The following ABLIM3 variants were observed in gnomAD, a reference collection of about 807,000 sequenced individuals.
ABLIM3 encodes actin-binding LIM protein 3.
ABLIM3 carries 61 observed loss-of-function variants against 109.5 expected under a neutral mutation model. That is an observed-to-expected ratio of 0.56 (90% CI 0.45 to 0.69). ABLIM3 has a LOEUF of 0.69. Among genes scored for constraint, ABLIM3 ranks in the 30% least tolerant of loss-of-function variants. ABLIM3 has a pLI of 0.00. For synonymous variants in ABLIM3, 300 were observed against 324.8 expected (o/e 0.92, Z 0.82); for missense variants, 796 against 889.5 (o/e 0.89, Z 1.34).
At chr5:149,172,801 A>G (rs1352632810) in intron 2 of ABLIM3, among the ~76,000 whole-genome samples, 1 of 152,220 alleles carries the variant, frequency 6.6e-6, no homozygotes, top group African/African-American at 2.4e-5. Context: ...GCCTCTAAAA[A>G]CATGTCATGT....
intron 3 of ABLIM3, among the ~76,000 whole-genome samples, chr5:149,190,637 G>A (rs116038354): frequency 0.05 from 7,601 of 152,198 alleles, 578 homozygotes; most frequent in African/African-American, 0.17. Context: ...TTGTTATCAC[G>A]CCACTGCACT....
intron 6 of ABLIM3, among the ~76,000 whole-genome samples, chr5:149,210,331 C>A (rs1190976516): frequency 6.6e-6 from 1 of 152,228 alleles, no homozygotes; most frequent in Non-Finnish European, 1.5e-5. Context: ...TAGGTTTTCT[C>A]ACCTACACAA....
chr5:149,186,865 G>T (rs1757011232), intron 3 of ABLIM3, among the ~76,000 whole-genome samples: 2 of 151,622 alleles, frequency 1.3e-5, no homozygotes, highest in Admixed American at 6.6e-5. Context: ...AAACAACAGT[G>T]CATTATAAGC....
chr5:149,193,791 A>G (rs1408856703), intron 3 of ABLIM3, among the ~76,000 whole-genome samples: 1 of 152,204 alleles, frequency 6.6e-6, no homozygotes, highest in Non-Finnish European at 1.5e-5. Context: ...ACCAAACACA[A>G]ACTTTCATAC....
chr5:149,206,639 C>T (rs1021835713), intron 5 of ABLIM3, among the ~76,000 whole-genome samples: 2 of 152,194 alleles, frequency 1.3e-5, no homozygotes, highest in African/African-American at 4.8e-5. Flanking sequence ...GTCTGCAATG[C>T]TGCACACTGC....
chr5:149,222,530 T>G (rs1333325013), intron 8 of ABLIM3, among the ~76,000 whole-genome samples: 1 of 152,140 alleles, frequency 6.6e-6, no homozygotes, highest in Non-Finnish European at 1.5e-5. Flanking sequence ...GAGGTGTCCA[T>G]GGGCCAAAAT....
intron 2 of ABLIM3, among the ~76,000 whole-genome samples, chr5:149,154,621 G>T (rs1753723372): frequency 6.6e-6 from 1 of 152,160 alleles, no homozygotes; most frequent in Non-Finnish European, 1.5e-5. Context: ...TGAATTCTGT[G>T]TCTAGGGAAT....
chr5:149,186,050 A>G (rs1412046438), intron 3 of ABLIM3, among the ~76,000 whole-genome samples: 1 of 152,242 alleles, frequency 6.6e-6, no homozygotes, highest in Non-Finnish European at 1.5e-5. Flanking sequence ...TATTCTCAGC[A>G]TATGATGGAT....
In ABLIM3 at chr5:149,188,699, T is replaced by C. The variant is rs143719335; in HGVS notation, c.151+5110T>C. On this transcript the variant is annotated intron_variant, in intron 3 of 23. Coordinates refer to ENST00000309868, the MANE Select transcript of ABLIM3 (RefSeq NM_014945.5). ...CATCATGAGGGCCCCACCCTTATGATCTCATCTAAACCTAATTATCACACA... is the reference window on the plus strand; with the variant it reads ...CATCATGAGGGCCCCACCCTTATGACCTCATCTAAACCTAATTATCACACA... Among the ~76,000 whole-genome samples the C allele has an allele frequency of 7.2e-3, 1,095 of 152,252 alleles. 16 individuals are homozygous for C. Among genetic ancestry groups the C allele is most frequent in the African/African-American group, 0.026 (1,065 of 41,540 alleles).
rs561055401 is a variant in ABLIM3 at position 149,199,032 on chromosome 5, A to G, written c.335+630A>G. ...TTCATTATCATGATGATAGTCATCT[A>G]TCTTCTCTCAGGACATCTCCAGGGA... On this transcript the variant is annotated intron_variant, in intron 4 of 23. Coordinates refer to ENST00000309868, the MANE Select transcript of ABLIM3 (RefSeq NM_014945.5). 64 of 456,576 alleles carry G rather than the reference A, an allele frequency of 1.4e-4. 1 individual carries two copies. The highest frequency in any genetic ancestry group is 5.6e-4 in the Admixed American group (24 of 42,554). 28.3% of individuals were successfully genotyped at this position (456,576 alleles called of 1,614,324 possible).
intron 5 of ABLIM3, among the ~76,000 whole-genome samples, chr5:149,205,952 G>C (rs904477706): frequency 3.9e-5 from 6 of 152,196 alleles, no homozygotes; most frequent in Non-Finnish European, 7.3e-5. Flanking sequence ...TGTGGGGGCT[G>C]TCCAGCCAGA....
At chr5:149,212,832 T>C (rs992730988) in intron 7 of ABLIM3, among the ~76,000 whole-genome samples, 7 of 151,990 alleles carry the variant, frequency 4.6e-5, no homozygotes, top group Non-Finnish European at 8.8e-5. Flanking sequence ...CAGTCAGAAA[T>C]ACGGATCAGA....
chr5:149,235,642 G>T, intron 10 of ABLIM3, among the ~76,000 whole-genome samples: 1 of 152,220 alleles, frequency 6.6e-6, no homozygotes, highest in East Asian at 1.9e-4. Context: ...GATGCCAAGA[G>T]CTCTCAAGGT....
chr5:149,196,982 G>T (rs1473612100), intron 3 of ABLIM3, among the ~76,000 whole-genome samples: 1 of 152,136 alleles, frequency 6.6e-6, no homozygotes, highest in Admixed American at 6.5e-5. Flanking sequence ...ACTAGGAAAT[G>T]CCTTGTAAAA....
chr5:149,200,424 A>G lies in ABLIM3; in HGVS notation c.444A>G (p.Pro148=), dbSNP rs1483090989. The change falls in exon 5 of 24, where the codon CCA becomes CCG. Residue 148 remains proline, a synonymous_variant. Coordinates refer to ENST00000309868, the MANE Select transcript of ABLIM3 (RefSeq NM_014945.5). ...ASSKPIKIRG[P]SHCAGCKEEI... Reference sequence around the variant, plus strand: ...GTAAGCCCATCAAGATTCGTGGACCAAGCCGTGAGTCCTCCCCACGGGTAT... The same window carrying G: ...GTAAGCCCATCAAGATTCGTGGACCGAGCCGTGAGTCCTCCCCACGGGTAT... 2 of 1,614,130 alleles carry G rather than the reference A, an allele frequency of 1.2e-6. No individual in the cohort carries two copies. The highest frequency in any genetic ancestry group is 2.7e-5 in the African/African-American group (2 of 75,066).
chr5:149,181,428 G>T (rs538201031), intron 2 of ABLIM3, among the ~76,000 whole-genome samples: 1 of 152,294 alleles, frequency 6.6e-6, no homozygotes, highest in African/African-American at 2.4e-5. Flanking sequence ...GTTAATTAAT[G>T]ATTTAGTTAA....
chr5:149,204,520 A>AATTCTCAC (rs1758784268), intron 5 of ABLIM3, among the ~76,000 whole-genome samples: 1 of 152,240 alleles, frequency 6.6e-6, no homozygotes, highest in Non-Finnish European at 1.5e-5. Context: ...GATGTCCCAG[A>AATTCTCAC]ATTCTCACGG....
At chr5:149,223,209 T>G (rs1468863598) in intron 8 of ABLIM3, among the ~76,000 whole-genome samples, 2 of 152,192 alleles carry the variant, frequency 1.3e-5, no homozygotes, top group African/African-American at 2.4e-5. Flanking sequence ...AGGTTTGTAT[T>G]TCTAAAGTTT....
At chr5:149,225,994 A>G (rs1163096233) in intron 8 of ABLIM3, among the ~76,000 whole-genome samples, 2,011 of 30,718 alleles carry the variant, frequency 0.065, 25 homozygotes, top group African/African-American at 0.17. Context: ...ATATATATAT[A>G]TATATATATA....
Sources: gnomAD v4.1 joint callset for allele counts (sites outside exome capture counted in the v4.1 genomes callset) on GRCh38, gnomAD v4.1.1 for gene constraint, MANE v1.5 for transcripts, NCBI Gene and HGNC (gene_info 2026-07-23, HGNC 2026-07-21) for gene names.